ARHGAP1: variants seen among roughly 807,000 people sequenced by gnomAD.
ARHGAP1 encodes rho GTPase-activating protein 1.
Under a neutral mutation model 52.2 loss-of-function variants are expected in ARHGAP1, and 23 were observed. That is an observed-to-expected ratio of 0.44 (90% CI 0.32 to 0.62). The LOEUF (loss-of-function observed/expected upper bound fraction) is 0.62, where lower values mean the gene tolerates loss of function less well. Among genes scored for constraint, ARHGAP1 ranks in the 20% least tolerant of loss-of-function variants. ARHGAP1 has a pLI of 0.05. For missense variants in ARHGAP1, 480 were observed against 560.9 expected (o/e 0.86, Z 1.46); for synonymous variants, 210 against 228.4 (o/e 0.92, Z 0.73).
chr11:46,696,730 G>A lies in ARHGAP1; in HGVS notation c.-49-574C>T, dbSNP rs952405764. On this transcript the variant is annotated intron_variant, in intron 1 of 12. Transcript: ENST00000311956. This position sits in a 1 kb window ranked among gnomAD's most constrained non-coding sequence, Gnocchi z 4.8. ...CTAAAAATACAAAAACTAGCTGGGC[G>A]TGGTGGCAGGCATCTGTAATCCCAG... Among the ~76,000 whole-genome samples the A allele has an allele frequency of 2.6e-5, 4 of 152,142 alleles. No individual in the cohort carries two copies. The highest frequency in any genetic ancestry group is 7.2e-5 in the African/African-American group (3 of 41,420).
chr11:46,699,456 G>A (rs569772856), intron 1 of ARHGAP1, among the ~76,000 whole-genome samples: 1 of 152,284 alleles, frequency 6.6e-6, no homozygotes, highest in Admixed American at 6.5e-5. Context: ...TGTAATCCCA[G>A]CACTTTGGGA....
In ARHGAP1 at chr11:46,694,724, G is replaced by A. The variant is rs1364328015; in HGVS notation, c.229+936C>T. Among the ~76,000 whole-genome samples the A allele has an allele frequency of 2.0e-5, 3 of 152,242 alleles. No homozygotes were observed. The South Asian group carries it at 6.2e-4, about 31-fold the overall frequency. ...AGCTTTGCTTCTGCAGGGGGTGAATGAGGCCAGAGCCAAGGCCCTCAACCC... is the reference window on the plus strand; with the variant it reads ...AGCTTTGCTTCTGCAGGGGGTGAATAAGGCCAGAGCCAAGGCCCTCAACCC... On this transcript the variant is annotated intron_variant, in intron 3 of 12. Transcript: ENST00000311956.
intron 3 of ARHGAP1, among the ~76,000 whole-genome samples, chr11:46,690,680 G>A (rs144740800): frequency 5.7e-4 from 86 of 152,146 alleles, no homozygotes; most frequent in African/African-American, 1.9e-3. Context: ...CTGTGTCCTC[G>A]CCCTCTCTCC....
chr11:46,683,703 T>A (rs2064546347), intron 4 of ARHGAP1, among the ~76,000 whole-genome samples: 2 of 151,730 alleles, frequency 1.3e-5, no homozygotes, highest in Non-Finnish European at 2.9e-5. Flanking sequence ...TGCAGTGGCA[T>A]GATCTCGGCT....
chr11:46,678,421 G>A lies in ARHGAP1; in HGVS notation c.*616C>T, dbSNP rs1278630651. ...CACTTGGGAAAGGCTGACCCAGGAT[G>A]TGTGGAAGAGGAGGCAGAAAGCAGA... On this transcript the variant is annotated 3_prime_UTR_variant, in exon 13 of 13. Coordinates refer to ENST00000311956, the MANE Select transcript of ARHGAP1 (RefSeq NM_004308.5). The A allele has an allele frequency of 6.1e-6, 1 of 164,988 alleles. No homozygotes were observed. Among genetic ancestry groups the A allele is most frequent in the African/African-American group, 2.4e-5 (1 of 41,502 alleles). 10.2% of individuals were successfully genotyped at this position (164,988 alleles called of 1,614,324 possible). A position where few individuals can be genotyped will look rare whatever the true frequency, so the allele number is the denominator to read the frequency against.
At chr11:46,685,355 T>G (rs922474095) in intron 4 of ARHGAP1, among the ~76,000 whole-genome samples, 1 of 151,584 alleles carries the variant, frequency 6.6e-6, no homozygotes, top group African/African-American at 2.4e-5. Context: ...GAGACAGAGT[T>G]TCACTCTTGT....
intron 3 of ARHGAP1, among the ~76,000 whole-genome samples, chr11:46,693,768 T>C (rs922099830): frequency 6.6e-6 from 1 of 152,054 alleles, no homozygotes; most frequent in Non-Finnish European, 1.5e-5. Context: ...GCCAGTCATG[T>C]GCTACAGCCA....
At chr11:46,689,050 C>G (rs914649168) in intron 3 of ARHGAP1, among the ~76,000 whole-genome samples, 1 of 149,268 alleles carries the variant, frequency 6.7e-6, no homozygotes, top group African/African-American at 2.5e-5. Context: ...TGCCACTGTA[C>G]TCCAGCCTGG....
At position 46,681,066 on chromosome 11, in the gene ARHGAP1, C is replaced by G; in HGVS notation, c.580G>C (p.Glu194Gln). 6.2e-7 allele frequency: 1 copy of G among 1,614,194 alleles called. No homozygotes were observed. Among genetic ancestry groups the G allele is most frequent in the Non-Finnish European group, 8.5e-7 (1 of 1,180,028 alleles). ...QKIFYVNYLS[E>Q]LSEHVKLEQL... is the part of the protein sequence containing the mutation. The stretch of plus-strand genomic sequence containing the variant: ...TCCAGCTTCACGTGCTCGCTCAGCT[C>G]GCTCAGGTAATTCACATAGAAGATC... The change falls in exon 7 of 13, where the codon GAG (glutamate) becomes CAG (glutamine). Residue 194 changes from glutamate (E) to glutamine (Q), a missense_variant. Transcript: ENST00000311956. This position sits in a 1 kb window ranked among gnomAD's most constrained non-coding sequence, Gnocchi z 5.7.
intron 1 of ARHGAP1, among the ~76,000 whole-genome samples, chr11:46,699,413 A>G (rs2134501438): frequency 6.6e-6 from 1 of 152,290 alleles, no homozygotes; most frequent in Non-Finnish European, 1.5e-5. Flanking sequence ...CAGTGAGGAA[A>G]GAGAGGACCA....
chr11:46,678,476 A>G lies in ARHGAP1; in HGVS notation c.*561T>C, dbSNP rs1451821984. ...GTCTCCAGCCCTGTCACTCCTCAGC[A>G]GGGGAAATACCCCAGACTGCGCTGC... On this transcript the variant is annotated 3_prime_UTR_variant, in exon 13 of 13. Coordinates refer to ENST00000311956, the MANE Select transcript of ARHGAP1 (RefSeq NM_004308.5). 6.0e-6 allele frequency: 1 copy of G among 166,746 alleles called. No individual in the cohort carries two copies. The highest frequency in any genetic ancestry group is 1.3e-5 in the Non-Finnish European group (1 of 76,246). 10.3% of individuals were successfully genotyped at this position (166,746 alleles called of 1,614,324 possible).
intron 3 of ARHGAP1, among the ~76,000 whole-genome samples, chr11:46,690,587 C>T (rs967976636): frequency 6.6e-6 from 1 of 152,110 alleles, no homozygotes; most frequent in Non-Finnish European, 1.5e-5. Context: ...GGTTTCTAAG[C>T]ATTCTATCCT....
chr11:46,700,560 G>A lies in ARHGAP1; in HGVS notation c.-59C>T, dbSNP rs1592396356. ...GCGCCCAGCAGCTCACCGCGCTCGG[G>A]CACTGCTCCCTCTGCCACGCCTGTC... is the stretch of plus-strand genomic sequence containing the variant. On this transcript the variant is annotated 5_prime_UTR_variant, in exon 1 of 13. Transcript: ENST00000311956. 1.1e-5 allele frequency: 2 copies of A among 184,450 alleles called. No homozygotes were observed. The highest frequency in any genetic ancestry group is 2.8e-4 in the East Asian group (2 of 7,078). The allele number at this position is 184,450 out of a possible 1,614,324, so 11.4% of individuals were successfully genotyped here. A position where few individuals can be genotyped will look rare whatever the true frequency, so the allele number is the denominator to read the frequency against.
intron 4 of ARHGAP1, chr11:46,686,805 A>G (rs1350756764): frequency 6.6e-6 from 1 of 150,792 alleles, no homozygotes; most frequent in Non-Finnish European, 1.5e-5. Context: ...GGCACTTTCT[A>G]TTTCAACCTC....
chr11:46,692,124 G>A (rs561735724), intron 3 of ARHGAP1, among the ~76,000 whole-genome samples: 1 of 152,304 alleles, frequency 6.6e-6, no homozygotes, highest in African/African-American at 2.4e-5. Context: ...AGGCCAGCTG[G>A]GGGTGGCTCT....
In ARHGAP1 at chr11:46,687,087, T is replaced by C. The variant is rs1311866622; in HGVS notation, c.317+1086A>G. Reference sequence around the variant, plus strand: ...ACTTCCTCCCACTTCACTTATTATCTGGGCAGGAGGCTGTCACCTGGTACA... The same window carrying C: ...ACTTCCTCCCACTTCACTTATTATCCGGGCAGGAGGCTGTCACCTGGTACA... On this transcript the variant is annotated intron_variant, in intron 4 of 12. Transcript: ENST00000311956. 4 of 152,414 alleles carry C rather than the reference T, an allele frequency of 2.6e-5. No homozygotes were observed. The East Asian group carries it at 5.8e-4, about 22-fold the overall frequency. 9.4% of individuals were successfully genotyped at this position (152,414 alleles called of 1,614,324 possible). A position where few individuals can be genotyped will look rare whatever the true frequency, so the allele number is the denominator to read the frequency against.
intron 4 of ARHGAP1, 113 bp downstream of exon 4, chr11:46,688,060 A>G (rs2064584633): frequency 2.0e-6 from 2 of 1,009,314 alleles, no homozygotes; most frequent in African/African-American, 3.2e-5. Context: ...GAGGGAAGGC[A>G]TTAAGGCAGG....
At chr11:46,698,774 C>A (rs183418874) in intron 1 of ARHGAP1, among the ~76,000 whole-genome samples, 1 of 152,194 alleles carries the variant, frequency 6.6e-6, no homozygotes, top group Non-Finnish European at 1.5e-5. Context: ...CCCACATAAC[C>A]TCCTTTCCCA....
Position 46,677,607 on chromosome 11 carries a change from C to CGA in ARHGAP1, c.*1428_*1429dup, listed in dbSNP as rs1224333415. On this transcript the variant is annotated 3_prime_UTR_variant, in exon 13 of 13. Coordinates refer to ENST00000311956, the MANE Select transcript of ARHGAP1 (RefSeq NM_004308.5). ...ATCCCCAGGAAGGAGTGTAATTCTA[C>CGA]GAGACAGTGGGAGTGAGATCAGCCA... 2.8e-5 allele frequency: 6 copies of CGA among 213,478 alleles called. No individual in the cohort carries two copies. The highest frequency in any genetic ancestry group is 4.8e-5 in the Non-Finnish European group (5 of 103,986). 13.2% of individuals were successfully genotyped at this position (213,478 alleles called of 1,614,324 possible).
Sources: allele counts gnomAD v4.1 joint callset (sites outside exome capture counted in the v4.1 genomes callset), GRCh38; gene constraint gnomAD v4.1.1; non-coding constraint Gnocchi (gnomAD v3.1); transcripts MANE v1.5; gene names NCBI Gene and HGNC (gene_info 2026-07-23, HGNC 2026-07-21).